SPAG16: variants seen among roughly 807,000 people sequenced by gnomAD.
SPAG16 encodes sperm-associated antigen 16 protein.
A neutral mutation model predicts 80.4 loss-of-function variants in SPAG16; 86 were observed. That is an observed-to-expected ratio of 1.07 (90% CI 0.90 to 1.28). The LOEUF is 1.28. SPAG16 is among the 50% of genes most tolerant of loss of function. The probability of loss-of-function intolerance (pLI) is 0.00; values close to 1 mark genes in which losing one functional copy is unlikely to be tolerated. For missense variants in SPAG16, 870 were observed against 765.3 expected, an observed-to-expected ratio of 1.14 and a Z score of -1.61; for synonymous variants, 294 against 265.9, an observed-to-expected ratio of 1.11 and a Z score of -1.03.
At chr2:213,929,077 G>A (rs1345686048) in intron 11 of SPAG16, among the ~76,000 whole-genome samples, 1 of 135,100 alleles carries the variant, frequency 7.4e-6, no homozygotes, top group African/African-American at 2.9e-5. Context: ...GCAGTGGTGC[G>A]ATCTGGGCTC....
chr2:214,082,124 G>A (rs555196721), intron 13 of SPAG16, among the ~76,000 whole-genome samples: 1 of 152,118 alleles, frequency 6.6e-6, no homozygotes, highest in Non-Finnish European at 1.5e-5. Context: ...TTTTGGCTTG[G>A]ATACCTCTGC....
intron 14 of SPAG16, among the ~76,000 whole-genome samples, chr2:214,147,431 G>A (rs1169266120): frequency 1.3e-5 from 2 of 151,986 alleles, no homozygotes; most frequent in African/African-American, 2.4e-5. Context: ...AGAACATCAA[G>A]TCCATCCACC....
At chr2:214,349,062 G>C (rs1455645532) in intron 15 of SPAG16, among the ~76,000 whole-genome samples, 2 of 151,786 alleles carry the variant, frequency 1.3e-5, no homozygotes, top group African/African-American at 4.8e-5. Flanking sequence ...GTAATGTCTT[G>C]GTATCCCACT....
chr2:213,633,150 G>A (rs1183069178), intron 10 of SPAG16, among the ~76,000 whole-genome samples: 1 of 152,076 alleles, frequency 6.6e-6, no homozygotes, highest in Non-Finnish European at 1.5e-5. Flanking sequence ...CTTGTTACTT[G>A]TTATTGGTCA....
intron 15 of SPAG16, among the ~76,000 whole-genome samples, chr2:214,301,697 T>TATCA (rs1694565866): frequency 2.0e-5 from 3 of 152,206 alleles, no homozygotes; most frequent in Admixed American, 6.5e-5. Context: ...GCTAGAAGTC[T>TATCA]ATCAGTTTTG....
At chr2:213,399,441 A>G (rs2068207551) in intron 9 of SPAG16, among the ~76,000 whole-genome samples, 1 of 152,026 alleles carries the variant, frequency 6.6e-6, no homozygotes, top group African/African-American at 2.4e-5. Flanking sequence ...TGTTTTCTCC[A>G]TTAATATTTT....
intron 10 of SPAG16, among the ~76,000 whole-genome samples, chr2:213,544,982 C>A (rs925298902): frequency 6.6e-6 from 1 of 152,076 alleles, no homozygotes; most frequent in Non-Finnish European, 1.5e-5. Flanking sequence ...CTATAAACAT[C>A]CGTGTGCAGG....
intron 10 of SPAG16, among the ~76,000 whole-genome samples, chr2:213,608,705 G>A (rs1264678183): frequency 2.6e-5 from 4 of 152,214 alleles, no homozygotes; most frequent in Admixed American, 1.3e-4. Flanking sequence ...GGGATGGGAG[G>A]TGGAGTCTCG....
chr2:213,872,950 T>TC (rs1199929790), intron 11 of SPAG16, among the ~76,000 whole-genome samples: 2 of 146,632 alleles, frequency 1.4e-5, no homozygotes, highest in Non-Finnish European at 3.0e-5. Flanking sequence ...TGATATACAG[T>TC]CATTTATATA....
intron 15 of SPAG16, among the ~76,000 whole-genome samples, chr2:214,204,149 C>G (rs949819623): frequency 6.6e-6 from 1 of 152,302 alleles, no homozygotes; most frequent in Admixed American, 6.5e-5. Context: ...ACCACACCCC[C>G]ACCCCCACAG....
chr2:214,107,273 CT>C (rs1407319913), intron 13 of SPAG16, among the ~76,000 whole-genome samples: 8 of 152,268 alleles, frequency 5.3e-5, no homozygotes, highest in African/African-American at 1.9e-4. Flanking sequence ...GGTTCTTTGT[CT>C]ATTTGTTGAC....
chr2:213,329,087 TG>T (rs1559416051), intron 5 of SPAG16, among the ~76,000 whole-genome samples: 1 of 152,210 alleles, frequency 6.6e-6, no homozygotes, highest in African/African-American at 2.4e-5. Context: ...CAAGTGGAAC[TG>T]TAAGTCCATT....
intron 15 of SPAG16, among the ~76,000 whole-genome samples, chr2:214,228,812 A>G (rs1482932848): frequency 6.6e-6 from 1 of 151,922 alleles, no homozygotes; most frequent in Non-Finnish European, 1.5e-5. Flanking sequence ...TATTATCACA[A>G]TATTTAACAA....
intron 13 of SPAG16, among the ~76,000 whole-genome samples, chr2:214,064,066 T>C (rs1484621993): frequency 6.6e-6 from 1 of 152,182 alleles, no homozygotes; most frequent in Non-Finnish European, 1.5e-5. Context: ...ATATTCAGGA[T>C]ATTTTGGCAA....
In SPAG16 at chr2:213,636,217, C is replaced by T. The variant is rs185751770; in HGVS notation, c.1070+146127C>T. ...TTTGTTGAATAGGGTGTATTTTCCC[C>T]GCTTTATATTTTTGTTTGCTTTGTC... is the stretch of plus-strand genomic sequence containing the variant. On this transcript the variant is annotated intron_variant, in intron 10 of 15. Transcript: ENST00000331683. Among the ~76,000 whole-genome samples, 16 of 152,136 alleles carry T rather than the reference C, an allele frequency of 1.1e-4. No homozygotes were observed. In the East Asian group the frequency reaches 1.2e-3, roughly 11 times the overall value.
At chr2:214,259,143 A>G (rs1265561189) in intron 15 of SPAG16, among the ~76,000 whole-genome samples, 1 of 151,368 alleles carries the variant, frequency 6.6e-6, no homozygotes, top group East Asian at 1.9e-4. Context: ...GATACTTTTA[A>G]TTTTGTTACT....
At chr2:213,952,504 A>G (rs1200446402) in intron 12 of SPAG16, among the ~76,000 whole-genome samples, 2 of 152,140 alleles carry the variant, frequency 1.3e-5, no homozygotes, top group African/African-American at 2.4e-5. Context: ...AATAATGGCT[A>G]TCCAATTTAT....
chr2:213,812,392 T>C (rs1834773), intron 10 of SPAG16, among the ~76,000 whole-genome samples: 140,875 of 152,262 alleles, frequency 0.93, 66,171 homozygotes, highest in East Asian at 1. Flanking sequence ...TCTAAGTTAG[T>C]AGTTGGAGGC....
chr2:213,558,225 G>A (rs2059490460), intron 10 of SPAG16, among the ~76,000 whole-genome samples: 1 of 152,008 alleles, frequency 6.6e-6, no homozygotes, highest in Non-Finnish European at 1.5e-5. Context: ...ATCTTCCACA[G>A]AGCATCATAC....
Sources: gnomAD v4.1 joint callset for allele counts (sites outside exome capture counted in the v4.1 genomes callset) on GRCh38, gnomAD v4.1.1 for gene constraint, MANE v1.5 for transcripts, NCBI Gene and HGNC (gene_info 2026-07-23, HGNC 2026-07-21) for gene names.